Variants in EXOC4 observed in about 807,000 individuals in gnomAD.
The protein encoded by EXOC4 is exocyst complex component 4.
Under a neutral mutation model 107.2 loss-of-function variants are expected in EXOC4, and 71 were observed. The observed-to-expected ratio is 0.66, with a 90% CI of 0.55 to 0.81. The LOEUF (loss-of-function observed/expected upper bound fraction) is 0.81. Among genes scored for constraint, EXOC4 ranks in the 30% least tolerant of loss-of-function variants. The pLI is 0.00. For synonymous variants in EXOC4, 456 were observed against 441.2 expected (o/e 1.03, Z -0.42); for missense variants, 1,108 against 1,189.6 (o/e 0.93, Z 1.01).
chr7:133,454,515 T>C (rs1798420002), intron 7 of EXOC4, among the ~76,000 whole-genome samples: 1 of 152,172 alleles, frequency 6.6e-6, no homozygotes, highest in Non-Finnish European at 1.5e-5. Context: ...CATGCAGGTC[T>C]CATACTCCTG....
At chr7:133,614,141 C>T (rs569784384) in intron 9 of EXOC4, among the ~76,000 whole-genome samples, 5 of 151,270 alleles carry the variant, frequency 3.3e-5, no homozygotes, top group Non-Finnish European at 7.4e-5. Context: ...TGAAAGTGCC[C>T]TACACTGGGG....
At chr7:133,556,650 A>AC (rs1366333578) in intron 9 of EXOC4, among the ~76,000 whole-genome samples, 1 of 152,214 alleles carries the variant, frequency 6.6e-6, no homozygotes, top group African/African-American at 2.4e-5. Flanking sequence ...AGAGACCTAC[A>AC]CAGGGAATGT....
chr7:133,789,862 C>T (rs1796667643), intron 10 of EXOC4, among the ~76,000 whole-genome samples: 1 of 149,894 alleles, frequency 6.7e-6, no homozygotes, highest in African/African-American at 2.4e-5. Context: ...CCATATTATA[C>T]TGACTTACTT....
intron 7 of EXOC4, among the ~76,000 whole-genome samples, chr7:133,394,611 G>A (rs1187584974): frequency 1.3e-5 from 2 of 152,174 alleles, no homozygotes; most frequent in Non-Finnish European, 2.9e-5. Context: ...CTATAGAAAT[G>A]TAAGGCTTTT....
At chr7:133,727,084 A>G (rs986115331) in intron 10 of EXOC4, among the ~76,000 whole-genome samples, 1 of 152,218 alleles carries the variant, frequency 6.6e-6, no homozygotes, top group African/African-American at 2.4e-5. Flanking sequence ...GATTCAAGCT[A>G]AATTTTTTCA....
chr7:133,590,789 A>G lies in EXOC4; in HGVS notation c.1418-39256A>G, dbSNP rs146583049. Among the ~76,000 whole-genome samples, 726 of 152,266 alleles carry G rather than the reference A, an allele frequency of 4.8e-3. 5 individuals are homozygous for G. The highest frequency in any genetic ancestry group is 7.1e-3 in the Non-Finnish European group (483 of 68,024). On this transcript the variant is annotated intron_variant, in intron 9 of 17. Coordinates refer to ENST00000253861, the MANE Select transcript of EXOC4 (RefSeq NM_021807.4). Reference sequence around the variant, plus strand: ...AAATCCCTTGCATCTACCATCTTCAATTCATTCCTGTGACTTGATTCTTCC... The same window carrying G: ...AAATCCCTTGCATCTACCATCTTCAGTTCATTCCTGTGACTTGATTCTTCC...
chr7:133,720,992 AAT>A (rs1277991207), intron 10 of EXOC4, among the ~76,000 whole-genome samples: 1 of 152,214 alleles, frequency 6.6e-6, no homozygotes, highest in Non-Finnish European at 1.5e-5. Flanking sequence ...TTGAAATGGT[AAT>A]TTTGCTCTAT....
At chr7:133,841,248 C>T (rs1376818434) in intron 11 of EXOC4, among the ~76,000 whole-genome samples, 4 of 152,152 alleles carry the variant, frequency 2.6e-5, no homozygotes, top group African/African-American at 9.7e-5. Flanking sequence ...CTAATCACCT[C>T]CCAAAGTCCC....
intron 17 of EXOC4, among the ~76,000 whole-genome samples, chr7:134,045,824 CTG>C (rs1795637649): frequency 6.6e-6 from 1 of 152,164 alleles, no homozygotes; most frequent in Non-Finnish European, 1.5e-5. Context: ...CTTTCTGTCT[CTG>C]TGGGTTTGCC....
chr7:133,964,128 A>G (rs897442868), intron 14 of EXOC4, among the ~76,000 whole-genome samples: 10 of 152,196 alleles, frequency 6.6e-5, no homozygotes, highest in Non-Finnish European at 1.5e-4. Flanking sequence ...AAGTTCTTAG[A>G]AAAATAGGCA....
chr7:133,522,040 A>T (rs1210830107), intron 9 of EXOC4, among the ~76,000 whole-genome samples: 1 of 152,162 alleles, frequency 6.6e-6, no homozygotes, highest in Admixed American at 6.6e-5. Context: ...TATTAAATCA[A>T]AATCAGCAAA....
intron 17 of EXOC4, among the ~76,000 whole-genome samples, chr7:134,015,243 T>A (rs1794874787): frequency 6.6e-6 from 1 of 152,184 alleles, no homozygotes; most frequent in Admixed American, 6.5e-5. Context: ...ACCATGATTT[T>A]AAAAAGCGTA....
intron 9 of EXOC4, among the ~76,000 whole-genome samples, chr7:133,569,325 AC>A (rs748511660): frequency 2.5e-4 from 38 of 152,294 alleles, no homozygotes; most frequent in Admixed American, 1.2e-3. Flanking sequence ...CCTGTAGAGG[AC>A]TTTAATGCAA....
Position 133,391,503 on chromosome 7 carries a change from G to A in EXOC4, c.1182+16501G>A, listed in dbSNP as rs140221492. Among the ~76,000 whole-genome samples the A allele has an allele frequency of 7.5e-4, 114 of 152,306 alleles. 3 individuals are homozygous for A. The highest frequency in any genetic ancestry group is 2.7e-3 in the African/African-American group (111 of 41,574). ...GCTGTCTTGAGTGTAGGACACGTGC[G>A]TACTGGAAGGATAGACAAACGGGTA... On this transcript the variant is annotated intron_variant, in intron 7 of 17. Coordinates refer to ENST00000253861, the MANE Select transcript of EXOC4 (RefSeq NM_021807.4).
chr7:133,901,492 G>C (rs1409293035), intron 12 of EXOC4, among the ~76,000 whole-genome samples: 3 of 152,112 alleles, frequency 2.0e-5, no homozygotes, highest in African/African-American at 7.2e-5. Context: ...TTAAATGCCA[G>C]CTTTTCTACC....
chr7:133,953,935 T>G (rs1019522172), intron 14 of EXOC4, among the ~76,000 whole-genome samples: 2 of 152,206 alleles, frequency 1.3e-5, no homozygotes. Context: ...TAGCCCTCAT[T>G]TGAGCCATAT....
intron 7 of EXOC4, among the ~76,000 whole-genome samples, chr7:133,438,330 A>G (rs1798023421): frequency 6.6e-6 from 1 of 152,132 alleles, no homozygotes; most frequent in Non-Finnish European, 1.5e-5. Context: ...ATGTTTGTAC[A>G]TTTATATTTA....
At chr7:134,016,985 G>C (rs1794924870) in intron 17 of EXOC4, among the ~76,000 whole-genome samples, 1 of 152,098 alleles carries the variant, frequency 6.6e-6, no homozygotes, top group Non-Finnish European at 1.5e-5. Flanking sequence ...AAGGTGACTT[G>C]GCTTGAAAAT....
At chr7:133,757,764 G>T (rs967199086) in intron 10 of EXOC4, among the ~76,000 whole-genome samples, 1 of 152,198 alleles carries the variant, frequency 6.6e-6, no homozygotes, top group Non-Finnish European at 1.5e-5. Context: ...GACAAATACT[G>T]TGTGGGTGCT....
Sources: allele counts gnomAD v4.1 joint callset (sites outside exome capture counted in the v4.1 genomes callset), GRCh38; gene constraint gnomAD v4.1.1; transcripts MANE v1.5; gene names NCBI Gene and HGNC (gene_info 2026-07-23, HGNC 2026-07-21).